The following NMT1 variants were observed in gnomAD, a reference collection of about 807,000 sequenced individuals.
NMT1 encodes the protein glycylpeptide N-tetradecanoyltransferase 1.
Under a neutral mutation model 63.4 loss-of-function variants are expected in NMT1, and 12 were observed. The ratio of observed to expected loss-of-function variants is 0.19; its 90% CI spans 0.12 to 0.31. NMT1 has a LOEUF of 0.31. Ranked by LOEUF, NMT1 falls within the 10% of genes least tolerant of loss-of-function variation. The pLI is 1.00. For missense variants in NMT1, 432 were observed against 634.6 expected (o/e 0.68, Z 3.43); for synonymous variants, 228 against 234.3 (o/e 0.97, Z 0.25).
At position 45,108,792 on chromosome 17, in the gene NMT1, CTGT is replaced by C. The variant is rs1438757711; in HGVS notation, c.*3156_*3158del. 78 of 152,386 alleles carry C rather than the reference CTGT, an allele frequency of 5.1e-4. No individual in the cohort carries two copies. The highest frequency in any genetic ancestry group is 1.6e-4 in the Non-Finnish European group (11 of 68,038). The allele number at this position is 152,386 out of a possible 1,614,324, so 9.4% of individuals were successfully genotyped here. A position where few individuals can be genotyped will look rare whatever the true frequency, so the allele number is the denominator to read the frequency against. On this transcript the variant is annotated 3_prime_UTR_variant, in exon 12 of 12. Transcript: ENST00000258960. Reference sequence around the variant, plus strand: ...TGCAAGCCGACTACACCTACGGAGGCTGTTGAGGACAATTTCATTCCATTAAAT... The same window carrying C: ...TGCAAGCCGACTACACCTACGGAGGCTGAGGACAATTTCATTCCATTAAAT...
At chr17:45,101,249 C>T (rs182918021) in intron 8 of NMT1, among the ~76,000 whole-genome samples, 92 of 151,288 alleles carry the variant, frequency 6.1e-4, no homozygotes, top group Non-Finnish European at 1.0e-3. Context: ...AATTCCTGGG[C>T]TCAAGTGATC....
chr17:45,076,701 G>T (rs1366004344), intron 1 of NMT1, among the ~76,000 whole-genome samples: 6 of 151,408 alleles, frequency 4.0e-5, no homozygotes. Context: ...AGTGAGCTGA[G>T]ATCGTGCCAT....
intron 1 of NMT1, among the ~76,000 whole-genome samples, chr17:45,078,295 A>G (rs1284837752): frequency 6.6e-6 from 1 of 152,212 alleles, no homozygotes; most frequent in East Asian, 1.9e-4. Flanking sequence ...ACAGCTATAT[A>G]GAGTTCAGGT....
chr17:45,067,067 C>G (rs888371385), intron 1 of NMT1, among the ~76,000 whole-genome samples: 2 of 151,978 alleles, frequency 1.3e-5, no homozygotes, highest in African/African-American at 4.8e-5. Context: ...AGTTACGTGC[C>G]TAGCGTAATT....
chr17:45,089,847 A>G (rs2143497445), intron 3 of NMT1, among the ~76,000 whole-genome samples: 1 of 151,320 alleles, frequency 6.6e-6, no homozygotes, highest in Non-Finnish European at 1.5e-5. Flanking sequence ...TATGTTGACC[A>G]GGCTGGTCTC....
In NMT1 at chr17:45,103,142, C is replaced by A; in HGVS notation, c.1164+21C>A. 2 of 1,596,620 alleles carry A rather than the reference C, an allele frequency of 1.3e-6. No homozygotes were observed. The highest frequency in any genetic ancestry group is 1.7e-4 in the Middle Eastern group (1 of 5,824). ...TGGAGGTGAGTCAGGGAGTGGTGTT[C>A]CAGGTCTCTAACACGTTCCCAGAGA... On this transcript the variant is annotated intron_variant, in intron 9 of 11. Transcript: ENST00000258960. This position sits in a 1 kb window ranked among gnomAD's most constrained non-coding sequence, Gnocchi z 4.8.
chr17:45,078,245 G>C (rs184002215), intron 1 of NMT1, among the ~76,000 whole-genome samples: 4 of 152,280 alleles, frequency 2.6e-5, no homozygotes, highest in East Asian at 1.9e-4. Flanking sequence ...TCAAGCATGG[G>C]GGGGACACAT....
Position 45,105,877 on chromosome 17 carries a change from T to C in NMT1, c.*238T>C. 1.9e-6 allele frequency: 1 copy of C among 514,900 alleles called. No homozygotes were observed. The highest frequency in any genetic ancestry group is 2.6e-5 in the South Asian group (1 of 38,562). 31.9% of individuals were successfully genotyped at this position (514,900 alleles called of 1,614,324 possible). ...TGTTTTCCAGTTAATTACATCCTCA[T>C]GCAGCCGTGATCAAGGGAATGTAAC... On this transcript the variant is annotated 3_prime_UTR_variant, in exon 12 of 12. Coordinates refer to ENST00000258960, the MANE Select transcript of NMT1 (RefSeq NM_021079.5). The surrounding 1 kb of genome is among the most constrained non-coding windows in gnomAD (Gnocchi z 4.2).
In NMT1 at chr17:45,064,504, A is replaced by G. The variant is rs113599105; in HGVS notation, c.131+3044A>G. Among the ~76,000 whole-genome samples, 250 of 152,320 alleles carry G rather than the reference A, an allele frequency of 1.6e-3. 1 individual carries two copies. Among genetic ancestry groups the G allele is most frequent in the African/African-American group, 5.7e-3 (236 of 41,562 alleles). ...GGAAAATGCAGCACGGCACAGTAGA[A>G]AAGCATGGACTTTGGAATAATTTAA... On this transcript the variant is annotated intron_variant, in intron 1 of 11. Transcript: ENST00000258960.
In NMT1 at chr17:45,099,491, T is replaced by G. The variant is rs1291541781; in HGVS notation, c.971T>G (p.Met324Arg). 1 of 1,613,876 alleles carries G rather than the reference T, an allele frequency of 6.2e-7. No individual in the cohort carries two copies. The highest frequency in any genetic ancestry group is 8.5e-7 in the Non-Finnish European group (1 of 1,179,786). The change falls in exon 8 of 12, where the codon ATG becomes AGG. Residue 324 changes from methionine to arginine, a missense_variant. Met to Arg is a moderately conservative substitution (Grantham distance 91). Transcript: ENST00000258960. The part of the protein sequence containing the change: ...LSRNMTMQRT[M>R]KLYRLPETPK... ...AGAAATATGACCATGCAGCGCACCATGAAGCTCTACCGACTGCCAGAGGCC... is the reference window on the plus strand; with the variant it reads ...AGAAATATGACCATGCAGCGCACCAGGAAGCTCTACCGACTGCCAGAGGCC...
intron 3 of NMT1, among the ~76,000 whole-genome samples, chr17:45,087,979 C>G (rs2054065349): frequency 6.6e-6 from 1 of 152,212 alleles, no homozygotes; most frequent in South Asian, 2.1e-4. Flanking sequence ...GCTGCAGAAT[C>G]AGAACTGCCA....
chr17:45,088,780 AG>A (rs1285913580), intron 3 of NMT1, among the ~76,000 whole-genome samples: 1 of 151,364 alleles, frequency 6.6e-6, no homozygotes, highest in African/African-American at 2.4e-5. Flanking sequence ...AAAAAAAAAA[AG>A]AGGCAGCTTG....
At chr17:45,082,272 G>GTTT (rs74724010) in intron 2 of NMT1, among the ~76,000 whole-genome samples, 2 of 141,732 alleles carry the variant, frequency 1.4e-5, no homozygotes, top group Non-Finnish European at 3.1e-5. Flanking sequence ...CACCTGTCCA[G>GTTT]TTTTTTTTTT....
intron 1 of NMT1, among the ~76,000 whole-genome samples, chr17:45,074,480 A>G (rs2053965160): frequency 6.6e-6 from 1 of 152,178 alleles, no homozygotes; most frequent in Admixed American, 6.5e-5. Flanking sequence ...CGGCCTCCCA[A>G]AGTGCTGGTA....
chr17:45,101,143 C>T (rs1350667483), intron 8 of NMT1, among the ~76,000 whole-genome samples: 1 of 151,742 alleles, frequency 6.6e-6, no homozygotes, highest in Non-Finnish European at 1.5e-5. Flanking sequence ...GAGATAGCGC[C>T]ATTGCACTCC....
chr17:45,074,089 CT>C (rs2053961368), intron 1 of NMT1, among the ~76,000 whole-genome samples: 1 of 152,170 alleles, frequency 6.6e-6, no homozygotes, highest in Non-Finnish European at 1.5e-5. Flanking sequence ...GCATTGCGCT[CT>C]ATTTCTAGAA....
chr17:45,082,253 A>G (rs908919693), intron 2 of NMT1, among the ~76,000 whole-genome samples: 9 of 149,584 alleles, frequency 6.0e-5, no homozygotes, highest in African/African-American at 2.2e-4. Context: ...CTGCAGGTGC[A>G]TGCCACCACA....
At chr17:45,083,812 T>A (rs1389527319) in intron 2 of NMT1, 1 of 152,150 alleles carries the variant, frequency 6.6e-6, no homozygotes, top group Admixed American at 6.6e-5. Flanking sequence ...GGGGTCTCCC[T>A]GCATTACTCA....
intron 1 of NMT1, among the ~76,000 whole-genome samples, chr17:45,072,522 C>A (rs1397878837): frequency 6.6e-6 from 1 of 151,558 alleles, no homozygotes; most frequent in African/African-American, 2.4e-5. Context: ...ACCTTGGTCT[C>A]CCAAAGTGCT....
Sources: gnomAD v4.1 joint callset for allele counts (sites outside exome capture counted in the v4.1 genomes callset) on GRCh38, gnomAD v4.1.1 for gene constraint, Gnocchi (gnomAD v3.1) non-coding constraint, MANE v1.5 for transcripts, NCBI Gene and HGNC (gene_info 2026-07-23, HGNC 2026-07-21) for gene names.